ASB5: variants seen among roughly 807,000 people sequenced by gnomAD.
ASB5 encodes the protein ankyrin repeat and SOCS box containing 5.
Under a neutral mutation model 42.1 loss-of-function variants are expected in ASB5, and 45 were observed. That is an observed-to-expected ratio of 1.07 (90% CI 0.84 to 1.37). The LOEUF (loss-of-function observed/expected upper bound fraction) is 1.37, where lower values mean the gene tolerates loss of function less well. Ranked by LOEUF, ASB5 falls within the 40% of genes most tolerant of loss-of-function variation. The pLI is 0.00. For missense variants in ASB5, 402 were observed against 399.8 expected (o/e 1.01, Z -0.05); for synonymous variants, 147 against 150.6 (o/e 0.98, Z 0.18).
intron 1 of ASB5, among the ~76,000 whole-genome samples, chr4:176,226,877 C>CT (rs1753395093): frequency 6.6e-6 from 1 of 152,198 alleles, no homozygotes; most frequent in Non-Finnish European, 1.5e-5. Flanking sequence ...AGCTGAGCCC[C>CT]GCGTCTGAAG....
chr4:176,268,690 T>G (rs1442554875), intron 1 of ASB5, among the ~76,000 whole-genome samples: 1 of 152,122 alleles, frequency 6.6e-6, no homozygotes, highest in Admixed American at 6.6e-5. Flanking sequence ...ATAGTATGCC[T>G]TCCTTAATCT....
At chr4:176,241,401 C>T (rs1753808706) in intron 1 of ASB5, 2 of 1,386,854 alleles carry the variant, frequency 1.4e-6, no homozygotes, top group South Asian at 2.7e-5. Context: ...TAAGGGCTCA[C>T]TAAGTAAAAA....
intron 5 of ASB5, among the ~76,000 whole-genome samples, chr4:176,219,920 T>C (rs1423086078): frequency 6.6e-6 from 1 of 152,018 alleles, no homozygotes; most frequent in Non-Finnish European, 1.5e-5. Flanking sequence ...TGAAAGGCTC[T>C]AAAGCAGGGG....
chr4:176,244,818 C>T (rs77953396), intron 1 of ASB5, among the ~76,000 whole-genome samples: 4,467 of 152,140 alleles, frequency 0.029, 236 homozygotes, highest in African/African-American at 0.1. Context: ...CTCAGGATGT[C>T]GGGGCTTATC....
chr4:176,258,690 A>G (rs949916870), intron 1 of ASB5, among the ~76,000 whole-genome samples: 49 of 152,310 alleles, frequency 3.2e-4, no homozygotes, highest in African/African-American at 1.2e-3. Flanking sequence ...ATTGTCTTTC[A>G]AAAGTAATGG....
intron 1 of ASB5, among the ~76,000 whole-genome samples, chr4:176,245,698 C>A (rs1753897836): frequency 6.6e-6 from 1 of 152,124 alleles, no homozygotes; most frequent in Non-Finnish European, 1.5e-5. Flanking sequence ...ACATATACAC[C>A]ATGGAATACT....
rs1052512561 is a variant in ASB5, at chr4:176,214,254, G to A, written c.*1346C>T. The A allele has an allele frequency of 3.0e-4, 45 of 152,056 alleles. No individual in the cohort carries two copies. Among genetic ancestry groups the A allele is most frequent in the African/African-American group, 1.0e-3 (42 of 41,522 alleles). The allele number at this position is 152,056 out of a possible 1,614,324, so 9.4% of individuals were successfully genotyped here. A position where few individuals can be genotyped will look rare whatever the true frequency, so the allele number is the denominator to read the frequency against. ...TAGCCAAGAAGTCAGAAGAAAATAAGCCCTGGGTTGTTGAAAATAGTGGTC... is the reference window on the plus strand; with the variant it reads ...TAGCCAAGAAGTCAGAAGAAAATAAACCCTGGGTTGTTGAAAATAGTGGTC... On this transcript the variant is annotated 3_prime_UTR_variant, in exon 7 of 7. Transcript: ENST00000296525.
intron 1 of ASB5, chr4:176,241,313 T>G: frequency 1.5e-6 from 1 of 676,198 alleles, no homozygotes; most frequent in Non-Finnish European, 2.3e-6. Flanking sequence ...GATAATCTTT[T>G]TATTTCTGAA....
rs137892131 is a variant in ASB5 at position 176,221,527 on chromosome 4, T to C, written c.458A>G (p.Glu153Gly). Residue 153 changes from glutamate to glycine, a missense_variant, in exon 4 of 7, where the codon GAG (glutamate) becomes GGG (glycine). Physicochemically the swap from Glu to Gly is moderately conservative, Grantham distance 98. Coordinates refer to ENST00000296525, the MANE Select transcript of ASB5 (RefSeq NM_080874.4). ...TTTGGCACCATACTCCAGAAGCAGC[T>C]CTGCACAGCTTGGACTGCCTTGGGA... ...ACSQGSPSCA[E>G]LLLEYGAKAQ... is the part of the protein sequence containing the mutation. 3.8e-5 allele frequency: 62 copies of C among 1,614,068 alleles called. No homozygotes were observed. Among genetic ancestry groups the C allele is most frequent in the Admixed American group, 3.8e-4 (23 of 60,010 alleles).
intron 1 of ASB5, chr4:176,241,547 T>C (rs1397675221): frequency 6.5e-7 from 1 of 1,528,042 alleles, no homozygotes; most frequent in Admixed American, 2.1e-5. Flanking sequence ...GCTTTGGGTT[T>C]CTTTACAAGG....
At chr4:176,272,230 G>A (rs1204874466), upstream of ASB5, among the ~76,000 whole-genome samples, 6 of 152,156 alleles carry the variant, frequency 3.9e-5, no homozygotes, top group Non-Finnish European at 5.9e-5. Context: ...AAAACATTGA[G>A]CGTTCAAGGT....
intron 1 of ASB5, among the ~76,000 whole-genome samples, chr4:176,234,153 G>A (rs1188328841): frequency 2.0e-5 from 3 of 152,158 alleles, no homozygotes; most frequent in Non-Finnish European, 4.4e-5. Flanking sequence ...CCAGTAGTCT[G>A]TACTAAACAT....
intron 1 of ASB5, among the ~76,000 whole-genome samples, chr4:176,260,467 C>G (rs113687830): frequency 1.6e-3 from 251 of 152,174 alleles, no homozygotes; most frequent in African/African-American, 5.7e-3. Flanking sequence ...AATCACAGAC[C>G]ACCTGGAAGA....
chr4:176,241,314 T>C, intron 1 of ASB5: 2 of 674,890 alleles, frequency 3.0e-6, no homozygotes, highest in Non-Finnish European at 4.7e-6. Context: ...ATAATCTTTT[T>C]ATTTCTGAAC....
chr4:176,240,040 C>T (rs911782371), intron 1 of ASB5, among the ~76,000 whole-genome samples: 2 of 152,078 alleles, frequency 1.3e-5, no homozygotes, highest in Non-Finnish European at 2.9e-5. Context: ...AGTGAGTGAA[C>T]GCGTTAGGGA....
chr4:176,252,207 A>T (rs2126970607), intron 1 of ASB5, among the ~76,000 whole-genome samples: 1 of 152,166 alleles, frequency 6.6e-6, no homozygotes, highest in Non-Finnish European at 1.5e-5. Flanking sequence ...AATATGTCTG[A>T]TTAAGAAGAA....
chr4:176,230,778 A>G (rs1234943871), intron 1 of ASB5, among the ~76,000 whole-genome samples: 1 of 152,236 alleles, frequency 6.6e-6, no homozygotes, highest in East Asian at 1.9e-4. Context: ...CCATCTCAAG[A>G]CCAAACAAGA....
At chr4:176,244,546 C>T (rs998135282) in intron 1 of ASB5, among the ~76,000 whole-genome samples, 2 of 152,182 alleles carry the variant, frequency 1.3e-5, no homozygotes, top group African/African-American at 4.8e-5. Flanking sequence ...GTGGCTATCT[C>T]TTTGATAAAT....
At chr4:176,225,625 C>T (rs1221983204) in intron 1 of ASB5, among the ~76,000 whole-genome samples, 1 of 152,158 alleles carries the variant, frequency 6.6e-6, no homozygotes, top group Non-Finnish European at 1.5e-5. Context: ...GAGTCTCGCC[C>T]TGTTGCCCAG....
Sources: allele counts gnomAD v4.1 joint callset (sites outside exome capture counted in the v4.1 genomes callset), GRCh38; gene constraint gnomAD v4.1.1; transcripts MANE v1.5; gene names NCBI Gene and HGNC (gene_info 2026-07-23, HGNC 2026-07-21).